The following CUX2 variants were observed in gnomAD, a reference collection of about 807,000 sequenced individuals.
The protein encoded by CUX2 is cut like homeobox 2, also known as homeobox protein cut-like 2.
Under a neutral mutation model 144.8 loss-of-function variants are expected in CUX2, and 40 were observed. That is an observed-to-expected ratio of 0.28 (90% CI 0.21 to 0.36). The LOEUF is 0.36. CUX2 is among the 10% of genes least tolerant of loss of function. CUX2 has a pLI of 1.00. For synonymous variants in CUX2, 827 were observed against 875.6 expected (o/e 0.94, Z 0.98); for missense variants, 1,615 against 1,994.0 (o/e 0.81, Z 3.62).
rs538124845 is a variant in CUX2 at position 111,065,294 on chromosome 12, A to G, written c.63+31054A>G. On this transcript the variant is annotated intron_variant, in intron 1 of 21. Coordinates refer to ENST00000261726, the MANE Select transcript of CUX2 (RefSeq NM_015267.4). ...TGGGGCTGGATTTGACCCAGGGCCG[A>G]TGGGATTTGGCCTACAGGTCACTGT... Among the ~76,000 whole-genome samples, 767 of 152,358 alleles carry G rather than the reference A, an allele frequency of 5.0e-3. 3 individuals are homozygous for G. Among genetic ancestry groups the G allele is most frequent in the African/African-American group, 0.017 (723 of 41,576 alleles).
At chr12:111,333,898 T>TA (rs1317156384) in intron 18 of CUX2, among the ~76,000 whole-genome samples, 2 of 151,512 alleles carry the variant, frequency 1.3e-5, no homozygotes, top group African/African-American at 4.9e-5. Flanking sequence ...TTGTAATTAC[T>TA]AAGCATCGGC....
rs1887250066 is a variant in CUX2 at position 111,317,366 on chromosome 12, G to A, written c.2003-2646G>A. On this transcript the variant is annotated intron_variant, in intron 16 of 21. Coordinates refer to ENST00000261726, the MANE Select transcript of CUX2 (RefSeq NM_015267.4). ...CACTCTCAGGGCTGCCGCCTGCATG[G>A]CCTTCTCTCAGGTGTCTGTGTGTAT... Among the ~76,000 whole-genome samples the A allele has an allele frequency of 2.0e-5, 3 of 151,980 alleles. No homozygotes were observed. In the South Asian group the frequency reaches 6.2e-4, roughly 32 times the overall value.
chr12:111,205,884 ACC>A (rs962919648), intron 1 of CUX2, among the ~76,000 whole-genome samples: 2 of 152,122 alleles, frequency 1.3e-5, no homozygotes, highest in African/African-American at 2.4e-5. Flanking sequence ...CATTCATTCG[ACC>A]AACAAACATT....
intron 4 of CUX2, among the ~76,000 whole-genome samples, chr12:111,266,640 CAGA>C (rs1396412765): frequency 2.0e-5 from 3 of 152,174 alleles, no homozygotes; most frequent in Non-Finnish European, 4.4e-5. Context: ...CTAGAGTCTT[CAGA>C]AGGAGTACAG....
intron 3 of CUX2, among the ~76,000 whole-genome samples, chr12:111,228,733 A>G (rs1367268117): frequency 1.3e-5 from 2 of 151,960 alleles, no homozygotes; most frequent in Non-Finnish European, 2.9e-5. Flanking sequence ...CTTAAAAACT[A>G]TGTTTTTTAT....
intron 1 of CUX2, among the ~76,000 whole-genome samples, chr12:111,209,123 C>T (rs374140441): frequency 1.1e-4 from 16 of 152,300 alleles, no homozygotes; most frequent in African/African-American, 3.6e-4. Context: ...CGTGAACGTT[C>T]TACATCTTGA....
At chr12:111,291,622 G>T (rs937404959) in intron 5 of CUX2, 70 bp downstream of exon 5, 12 of 1,460,496 alleles carry the variant, frequency 8.2e-6, no homozygotes, top group Non-Finnish European at 5.4e-6. Context: ...GCCAAACTCA[G>T]CCAGCCTTGT....
At chr12:111,228,861 G>A (rs576366936) in intron 3 of CUX2, among the ~76,000 whole-genome samples, 1 of 152,088 alleles carries the variant, frequency 6.6e-6, no homozygotes, top group South Asian at 2.1e-4. Flanking sequence ...TCTGTGCCTT[G>A]ATGTCTTCAT....
chr12:111,214,185 T>C lies in CUX2; in HGVS notation c.64-15T>C, dbSNP rs1881398008. ...TTTCTCTCTCTCTCTTTTTTTTTTT[T>C]TTTTATTGTTCCAGAAGGAGCTTAA... On this transcript the variant is annotated splice_polypyrimidine_tract_variant and intron_variant, in intron 1 of 21. Transcript: ENST00000261726. 7.0e-7 allele frequency: 1 copy of C among 1,438,694 alleles called. No individual in the cohort carries two copies. Among genetic ancestry groups the C allele is most frequent in the Non-Finnish European group, 9.4e-7 (1 of 1,066,284 alleles). The allele number at this position is 1,438,694 out of a possible 1,614,324, so 89.1% of individuals were successfully genotyped here.
intron 1 of CUX2, among the ~76,000 whole-genome samples, chr12:111,122,073 A>G (rs1874729496): frequency 6.6e-6 from 1 of 152,156 alleles, no homozygotes; most frequent in African/African-American, 2.4e-5. Flanking sequence ...TGGTCTAAAT[A>G]TAGCCATTTA....
At chr12:111,125,460 T>TGTGC (rs1156532562) in intron 1 of CUX2, among the ~76,000 whole-genome samples, 1 of 152,238 alleles carries the variant, frequency 6.6e-6, no homozygotes, top group Non-Finnish European at 1.5e-5. Context: ...ATTGCAGGCA[T>TGTGC]GTGCCACTGC....
Position 111,095,893 on chromosome 12 carries a change from C to A in CUX2, c.63+61653C>A, listed in dbSNP as rs115448410. On this transcript the variant is annotated intron_variant, in intron 1 of 21. Coordinates refer to ENST00000261726, the MANE Select transcript of CUX2 (RefSeq NM_015267.4). The stretch of plus-strand genomic sequence containing the variant: ...AGCATGCTGGGTGCCATGTAGGGTC[C>A]GGAAATGCTGGGCCTGGAGTGAGTC... Among the ~76,000 whole-genome samples the A allele has an allele frequency of 6.4e-3, 972 of 152,278 alleles. 11 individuals carry two copies. The highest frequency in any genetic ancestry group is 0.022 in the African/African-American group (916 of 41,554).
In CUX2 at chr12:111,306,979, A is replaced by G; in HGVS notation, c.917A>G (p.Lys306Arg). 3 of 1,613,712 alleles carry G rather than the reference A, an allele frequency of 1.9e-6. No homozygotes were observed. The highest frequency in any genetic ancestry group is 2.5e-6 in the Non-Finnish European group (3 of 1,179,858). ...CGGCTGGAGGCCGCGCTGGCCTCCA[A>G]GGACAGGGAGATCCTGCGGCTGCTG... ...GPRLEAALAS[K>R]DREILRLLKD... Residue 306 changes from lysine (K) to arginine (R), a missense_variant, in exon 11 of 22, where the codon AAG (lysine) becomes AGG (arginine). Physicochemically the swap from Lys to Arg is conservative, Grantham distance 26. Transcript: ENST00000261726.
Position 111,320,629 on chromosome 12 carries a change from C to T in CUX2, c.2620C>T (p.Arg874Cys), listed in dbSNP as rs1349467721. Residue 874 changes from arginine to cysteine, a missense_variant, in exon 17 of 22, where the codon CGC becomes TGC. Transcript: ENST00000261726. This position sits in a 1 kb window ranked among gnomAD's most constrained non-coding sequence, Gnocchi z 8.1. ...RLPYYPAYVP[R>C]TLKPTVPPLT... is the part of the protein sequence containing the mutation. The stretch of plus-strand genomic sequence containing the variant: ...GCCCTACTACCCGGCCTACGTGCCG[C>T]GCACCCTGAAGCCCACCGTGCCGCC... The T allele has an allele frequency of 6.3e-7, 1 of 1,591,656 alleles. No homozygotes were observed. The highest frequency in any genetic ancestry group is 8.5e-7 in the Non-Finnish European group (1 of 1,176,770).
At position 111,068,572 on chromosome 12, in the gene CUX2, G is replaced by A. The variant is rs875155; in HGVS notation, c.63+34332G>A. On this transcript the variant is annotated intron_variant, in intron 1 of 21. Coordinates refer to ENST00000261726, the MANE Select transcript of CUX2 (RefSeq NM_015267.4). The surrounding 1 kb of genome is among the most constrained non-coding windows in gnomAD (Gnocchi z 4.9). ...CAGGAGCGCATCCATTTTCTGAGGA[G>A]ATGAAAAGCGATGCTGGTTTGAGCA... is the stretch of plus-strand genomic sequence containing the variant. Among the ~76,000 whole-genome samples, 9,423 of 152,302 alleles carry A rather than the reference G, an allele frequency of 0.062. 980 individuals carry two copies. The highest frequency in any genetic ancestry group is 0.22 in the African/African-American group (8,983 of 41,538).
At chr12:111,202,609 G>A (rs549087030) in intron 1 of CUX2, among the ~76,000 whole-genome samples, 22 of 152,310 alleles carry the variant, frequency 1.4e-4, no homozygotes, top group African/African-American at 5.1e-4. Context: ...AGCACCTAGT[G>A]TGTGCCAAGC....
At position 111,186,782 on chromosome 12, in the gene CUX2, G is replaced by GTTTT. The variant is rs201495071; in HGVS notation, c.64-27407_64-27404dup. Among the ~76,000 whole-genome samples, 1 of 146,080 alleles carries GTTTT rather than the reference G, an allele frequency of 6.8e-6. No individual in the cohort carries two copies. The highest frequency in any genetic ancestry group is 2.5e-5 in the African/African-American group (1 of 39,982). On this transcript the variant is annotated intron_variant, in intron 1 of 21. Coordinates refer to ENST00000261726, the MANE Select transcript of CUX2 (RefSeq NM_015267.4). The surrounding 1 kb of genome is among the most constrained non-coding windows in gnomAD (Gnocchi z 4.4). ...ATTAAAATCGATATGATGTGTGTATGTTTTTTTTTTTTTTGAGACAGAATT... is the reference window on the plus strand; with the variant it reads ...ATTAAAATCGATATGATGTGTGTATGTTTTTTTTTTTTTTTTTTGAGACAGAATT...
chr12:111,121,369 C>CTTT (rs5800920), intron 1 of CUX2, among the ~76,000 whole-genome samples: 34 of 58,998 alleles, frequency 5.8e-4, no homozygotes, highest in Non-Finnish European at 7.1e-4. Context: ...TTTCTTTTTT[C>CTTT]TTTTTTTTTT....
At chr12:111,188,286 G>A (rs1452858246) in intron 1 of CUX2, among the ~76,000 whole-genome samples, 2 of 152,232 alleles carry the variant, frequency 1.3e-5, no homozygotes, top group African/African-American at 2.4e-5. Context: ...GGAGGAAGAG[G>A]ACGATGCAGT....
Sources: allele counts gnomAD v4.1 joint callset (sites outside exome capture counted in the v4.1 genomes callset), GRCh38; gene constraint gnomAD v4.1.1; non-coding constraint Gnocchi (gnomAD v3.1); transcripts MANE v1.5; gene names NCBI Gene and HGNC (gene_info 2026-07-23, HGNC 2026-07-21).